The following FGF18 variants were observed in gnomAD, a reference collection of about 807,000 sequenced individuals.
FGF18 encodes fibroblast growth factor 18.
Under a neutral mutation model 23.0 loss-of-function variants are expected in FGF18, and 5 were observed. That is an observed-to-expected ratio of 0.22 (90% CI 0.11 to 0.46). FGF18 has a LOEUF of 0.46. Ranked by LOEUF, FGF18 falls within the 20% of genes least tolerant of loss-of-function variation. The probability of loss-of-function intolerance (pLI) is 0.99; values close to 1 mark genes in which losing one functional copy is unlikely to be tolerated. For missense variants in FGF18, 180 were observed against 291.6 expected (o/e 0.62, Z 2.79); for synonymous variants, 117 against 118.9 (o/e 0.98, Z 0.10).
rs558974791 is a variant in FGF18, at chr5:171,430,515, G to A, written c.70-5578G>A. Among the ~76,000 whole-genome samples the A allele has an allele frequency of 5.1e-4, 77 of 151,398 alleles. 7 individuals are homozygous for A. Among genetic ancestry groups the A allele is most frequent in the African/African-American group, 1.7e-3 (70 of 40,856 alleles). On this transcript the variant is annotated intron_variant, in intron 2 of 4. Coordinates refer to ENST00000274625, the MANE Select transcript of FGF18 (RefSeq NM_003862.3). ...AACTAAAGAAAAAAGAGGGCCGGGC[G>A]CGGTGGCTCACGCCTGTAATCCCAG...
intron 2 of FGF18, among the ~76,000 whole-genome samples, chr5:171,435,667 C>G (rs78379836): frequency 1.3e-5 from 2 of 152,086 alleles, no homozygotes; most frequent in African/African-American, 2.4e-5. Context: ...CATCCCCTCT[C>G]GTTCCTCACC....
chr5:171,422,362 G>A (rs562816187), intron 2 of FGF18, among the ~76,000 whole-genome samples: 4 of 152,076 alleles, frequency 2.6e-5, no homozygotes, highest in East Asian at 1.9e-4. Context: ...TGTCCCCACC[G>A]GCCTTTCTGC....
At position 171,446,649 on chromosome 5, in the gene FGF18, A is replaced by G. The variant is rs975918274; in HGVS notation, c.251-2498A>G. On this transcript the variant is annotated intron_variant, in intron 3 of 4. Transcript: ENST00000274625. Reference sequence around the variant, plus strand: ...GGGCCCCAGCTCAGTGGCTTTACCTACTTCCTGCATCTCCCATCCCTGCCC... The same window carrying G: ...GGGCCCCAGCTCAGTGGCTTTACCTGCTTCCTGCATCTCCCATCCCTGCCC... Among the ~76,000 whole-genome samples the G allele has an allele frequency of 6.6e-5, 10 of 151,982 alleles. No individual in the cohort carries two copies. The South Asian group carries it at 1.9e-3, about 28-fold the overall frequency.
intron 2 of FGF18, among the ~76,000 whole-genome samples, chr5:171,433,955 C>T (rs749377937): frequency 9.9e-5 from 15 of 152,218 alleles, no homozygotes; most frequent in Non-Finnish European, 1.8e-4. Context: ...TATGTTTAAC[C>T]TTTGCAGCCA....
chr5:171,452,656 GACGCA>G (rs1446380447), intron 4 of FGF18, among the ~76,000 whole-genome samples: 1 of 152,104 alleles, frequency 6.6e-6, no homozygotes, highest in Non-Finnish European at 1.5e-5. Context: ...CATCTCTGGA[GACGCA>G]ACCCAGATTG....
chr5:171,447,869 A>C (rs1772441799), intron 3 of FGF18, among the ~76,000 whole-genome samples: 1 of 152,032 alleles, frequency 6.6e-6, no homozygotes, highest in South Asian at 2.1e-4. Context: ...TGGGTGAGGG[A>C]GGGGCAGGGG....
chr5:171,421,018 C>G (rs766392724), intron 2 of FGF18, among the ~76,000 whole-genome samples: 37 of 152,378 alleles, frequency 2.4e-4, no homozygotes, highest in Admixed American at 7.8e-4. Context: ...CCGGATGGGC[C>G]GCGCTCCGCA....
At position 171,456,734 on chromosome 5, in the gene FGF18, C is replaced by T. The variant is rs768924757; in HGVS notation, c.553C>T (p.Leu185Phe). 1 of 1,614,062 alleles carries T rather than the reference C, an allele frequency of 6.2e-7. No homozygotes were observed. ...MKRYPKGQPE[L>F]QKPFKYTTVT... is the part of the protein sequence containing the mutation. The stretch of plus-strand genomic sequence containing the variant: ...GCGCTACCCCAAGGGGCAGCCGGAG[C>T]TTCAGAAGCCCTTCAAGTACACGAC... Residue 185 changes from leucine to phenylalanine, a missense_variant, in exon 5 of 5, where the codon CTT becomes TTT. Leu to Phe is a conservative substitution (Grantham distance 22). Around this residue, in one of 3 missense-constraint regions of FGF18, gnomAD observed 40 missense variants for 41.4 expected, o/e 0.97. Coordinates refer to ENST00000274625, the MANE Select transcript of FGF18 (RefSeq NM_003862.3). This position sits in a 1 kb window ranked among gnomAD's most constrained non-coding sequence, Gnocchi z 6.1.
intron 4 of FGF18, among the ~76,000 whole-genome samples, chr5:171,454,376 G>A (rs1485308931): frequency 1.3e-5 from 2 of 152,298 alleles, no homozygotes; most frequent in East Asian, 3.9e-4. Flanking sequence ...TGCACACACA[G>A]CTTCCAGAAT....
At chr5:171,445,015 G>A (rs1434906802) in intron 3 of FGF18, among the ~76,000 whole-genome samples, 2 of 152,130 alleles carry the variant, frequency 1.3e-5, no homozygotes, top group Non-Finnish European at 2.9e-5. Context: ...GGGGAATGGG[G>A]TAGGGCTGGA....
rs997661808 is a variant in FGF18, at chr5:171,456,397, A to G, written c.358-142A>G. ...TGTGCCATATTCAGAGTTAAGCTCAATCTCTCTCCCCCACTGCAAAACTTC... is the reference window on the plus strand; with the variant it reads ...TGTGCCATATTCAGAGTTAAGCTCAGTCTCTCTCCCCCACTGCAAAACTTC... On this transcript the variant is annotated intron_variant, in intron 4 of 4. Transcript: ENST00000274625. The surrounding 1 kb of genome is among the most constrained non-coding windows in gnomAD (Gnocchi z 6.1). The G allele has an allele frequency of 3.9e-6, 3 of 777,772 alleles. No homozygotes were observed. The highest frequency in any genetic ancestry group is 1.7e-5 in the African/African-American group (1 of 57,178). The allele number at this position is 777,772 out of a possible 1,614,324, so 48.2% of individuals were successfully genotyped here.
chr5:171,439,542 C>T (rs1772304749), intron 3 of FGF18, among the ~76,000 whole-genome samples: 1 of 152,232 alleles, frequency 6.6e-6, no homozygotes. Flanking sequence ...TGTCATAGAA[C>T]AGCACTGGAA....
chr5:171,430,358 A>C (rs927234819), intron 2 of FGF18, among the ~76,000 whole-genome samples: 4 of 85,510 alleles, frequency 4.7e-5, no homozygotes, highest in African/African-American at 2.0e-4. Context: ...ACTGTGTCTC[A>C]AAAAAAAAAA....
At chr5:171,431,414 G>A (rs1190531414) in intron 2 of FGF18, among the ~76,000 whole-genome samples, 1 of 152,204 alleles carries the variant, frequency 6.6e-6, no homozygotes, top group African/African-American at 2.4e-5. Context: ...AAGGCAGAAG[G>A]TGGGTGGGCT....
In FGF18 at chr5:171,445,882, C is replaced by T. The variant is rs989701523; in HGVS notation, c.251-3265C>T. On this transcript the variant is annotated intron_variant, in intron 3 of 4. Coordinates refer to ENST00000274625, the MANE Select transcript of FGF18 (RefSeq NM_003862.3). ...CCACAAATGGAGCTGTGCCTGAGCC[C>T]GGATGAGGTTTCCAGCTCTTGAGAG... Among the ~76,000 whole-genome samples the T allele has an allele frequency of 5.3e-5, 8 of 152,228 alleles. No individual in the cohort carries two copies. The East Asian group carries it at 7.8e-4, about 15-fold the overall frequency.
chr5:171,443,406 C>T (rs1183096239), intron 3 of FGF18, among the ~76,000 whole-genome samples: 2 of 150,296 alleles, frequency 1.3e-5, no homozygotes, highest in East Asian at 2.0e-4. Flanking sequence ...GCTGGGGTTA[C>T]GGGCATGAGT....
intron 3 of FGF18, among the ~76,000 whole-genome samples, chr5:171,444,838 A>T (rs1772396799): frequency 1.3e-5 from 2 of 152,148 alleles, no homozygotes; most frequent in Non-Finnish European, 2.9e-5. Context: ...GCTTATTAAA[A>T]CTGGCTTACT....
Position 171,456,703 on chromosome 5 carries a change from C to A in FGF18, c.522C>A (p.Phe174Leu). The part of the protein sequence containing the change: ...KTRENQQDVH[F>L]MKRYPKGQPE... ...GGGAGAACCAGCAGGACGTGCATTTCATGAAGCGCTACCCCAAGGGGCAGC... is the reference window on the plus strand; with the variant it reads ...GGGAGAACCAGCAGGACGTGCATTTAATGAAGCGCTACCCCAAGGGGCAGC... Residue 174 changes from phenylalanine (F) to leucine (L), a missense_variant, in exon 5 of 5, where the codon TTC becomes TTA. This residue lies in a region of FGF18 where 83 missense variants were observed against 190.4 expected (regional missense o/e 0.44). Transcript: ENST00000274625. This position sits in a 1 kb window ranked among gnomAD's most constrained non-coding sequence, Gnocchi z 6.1. 6.2e-7 allele frequency: 1 copy of A among 1,614,030 alleles called. No homozygotes were observed. The highest frequency in any genetic ancestry group is 8.5e-7 in the Non-Finnish European group (1 of 1,180,008).
In FGF18 at chr5:171,432,186, GC is replaced by G. The variant is rs902583709; in HGVS notation, c.70-3901del. Among the ~76,000 whole-genome samples the G allele has an allele frequency of 2.0e-5, 3 of 152,118 alleles. No individual in the cohort carries two copies. In the East Asian group the frequency reaches 5.8e-4, roughly 29 times the overall value. Reference sequence around the variant, plus strand: ...TGTTCTGGGAAGACCTTGAAGATAGGCCCCCCTTGCAGGGCACCGAGCCAAG... The same window carrying G: ...TGTTCTGGGAAGACCTTGAAGATAGGCCCCCTTGCAGGGCACCGAGCCAAG... On this transcript the variant is annotated intron_variant, in intron 2 of 4. Coordinates refer to ENST00000274625, the MANE Select transcript of FGF18 (RefSeq NM_003862.3).
Sources: allele counts gnomAD v4.1 joint callset (sites outside exome capture counted in the v4.1 genomes callset), GRCh38; gene constraint gnomAD v4.1.1; regional missense constraint gnomAD v4.1.1; non-coding constraint Gnocchi (gnomAD v3.1); transcripts MANE v1.5; gene names NCBI Gene and HGNC (gene_info 2026-07-23, HGNC 2026-07-21).